CFAP65: variants seen among roughly 807,000 people sequenced by gnomAD.
CFAP65 encodes cilia- and flagella-associated protein 65.
CFAP65 carries 155 observed loss-of-function variants against 208.0 expected under a neutral mutation model. The observed-to-expected ratio is 0.75, with a 90% CI of 0.65 to 0.85. The LOEUF (loss-of-function observed/expected upper bound fraction) is 0.85, where lower values mean the gene tolerates loss of function less well. CFAP65 is among the 40% of genes least tolerant of loss of function. The pLI is 0.00. For missense variants in CFAP65, 2,294 were observed against 2,451.3 expected (o/e 0.94, Z 1.36); for synonymous variants, 970 against 986.3 (o/e 0.98, Z 0.31).
At position 219,038,588 on chromosome 2, in the gene CFAP65, G is replaced by T; in HGVS notation, c.154-10C>A. ...CACTCTGAGTATGGAGCTGGGAAGAGAGCAGAGGGGAGAGGAGACAGGAGT... is the reference window on the plus strand; with the variant it reads ...CACTCTGAGTATGGAGCTGGGAAGATAGCAGAGGGGAGAGGAGACAGGAGT... On this transcript the variant is annotated splice_polypyrimidine_tract_variant and intron_variant, in intron 3 of 34. Transcript: ENST00000341552. 6.2e-7 allele frequency: 1 copy of T among 1,608,374 alleles called. No individual in the cohort carries two copies. Among genetic ancestry groups the T allele is most frequent in the South Asian group, 1.1e-5 (1 of 90,628 alleles).
At chr2:219,005,941 G>A in intron 31 of CFAP65, 80 bp downstream of exon 31, 1 of 1,412,616 alleles carries the variant, frequency 7.1e-7, no homozygotes. Context: ...CCATGGGTTG[G>A]GTCTGGGCAG....
Position 219,031,401 on chromosome 2 carries a change from C to A in CFAP65, c.815+88G>T. The A allele has an allele frequency of 3.7e-6, 6 of 1,607,818 alleles. No homozygotes were observed. The highest frequency in any genetic ancestry group is 5.1e-6 in the Non-Finnish European group (6 of 1,175,818). ...TGGGCAGAACCTCAGACTACCCTAC[C>A]CCGACAAGGGTATGCCTGTCTCTCC... is the stretch of plus-strand genomic sequence containing the variant. On this transcript the variant is annotated intron_variant, in intron 7 of 34. Transcript: ENST00000341552. The surrounding 1 kb of genome is among the most constrained non-coding windows in gnomAD (Gnocchi z 5.2).
chr2:219,011,979 A>T (rs919886499), intron 24 of CFAP65, among the ~76,000 whole-genome samples: 2 of 152,260 alleles, frequency 1.3e-5, no homozygotes, highest in Non-Finnish European at 2.9e-5. Context: ...AAGTGGGATT[A>T]GTGCCCTTAT....
chr2:219,035,524 C>T lies in CFAP65; in HGVS notation c.498G>A (p.Leu166=). The change falls in exon 5 of 35, where the codon CTG becomes CTA. Residue 166 remains leucine (L), a synonymous_variant. Coordinates refer to ENST00000341552, the MANE Select transcript of CFAP65 (RefSeq NM_194302.4). ...GTTTCAAGGATCGATTTTTCAGAAC[C>T]AGATTCCTTGTGGTCTCCTTTCCTA... The part of the protein sequence containing the change: ...WELGKETTRN[L]VLKNRSLKLQ... 6.2e-7 allele frequency: 1 copy of T among 1,614,026 alleles called. No homozygotes were observed.
intron 24 of CFAP65, among the ~76,000 whole-genome samples, chr2:219,011,483 T>C (rs1187932579): frequency 6.6e-6 from 1 of 152,046 alleles, no homozygotes; most frequent in Non-Finnish European, 1.5e-5. Flanking sequence ...GTTCTCACTG[T>C]GTTGGCCAGG....
rs1389078681 is a variant in CFAP65, at chr2:219,029,405, G to C, written c.1648C>G (p.Gln550Glu). The C allele has an allele frequency of 3.7e-6, 6 of 1,611,974 alleles. No homozygotes were observed. Among genetic ancestry groups the C allele is most frequent in the Non-Finnish European group, 4.2e-6 (5 of 1,178,554 alleles). Residue 550 changes from glutamine (Q) to glutamate (E), a missense_variant and splice_region_variant, in exon 11 of 35, where the codon CAG (glutamine) becomes GAG (glutamate). Transcript: ENST00000341552. ...FRRVACLIHH[Q>E]DPLFLDLMGT... ...CTCATGCCCTCCCCACGACTCACCT[G>C]GTGGTGGATGAGACAGGCCACACGC... is the stretch of plus-strand genomic sequence containing the variant.
At chr2:219,005,366 G>A in intron 32 of CFAP65, 68 bp downstream of exon 32, 1 of 1,593,088 alleles carries the variant, frequency 6.3e-7, no homozygotes, top group Admixed American at 1.7e-5. Flanking sequence ...TGGAATGTAA[G>A]GGGCTCTGGC....
Position 219,002,967 on chromosome 2 carries a change from C to A in CFAP65, c.5748G>T (p.Pro1916=). Residue 1916 remains proline (P), a synonymous_variant, in exon 35 of 35, where the codon CCG becomes CCT. Transcript: ENST00000341552. The surrounding 1 kb of genome is among the most constrained non-coding windows in gnomAD (Gnocchi z 7.9). ...GAAGGTCGGTAGGAAGTGGCACCAC[C>A]GGGTGGAGTACCTCTGCTTGCTGCG... ...LPTQQAEVLH[P]VVPLPTDLP is the part of the protein sequence containing the mutation. The A allele has an allele frequency of 4.5e-6, 7 of 1,566,690 alleles. No individual in the cohort carries two copies. The highest frequency in any genetic ancestry group is 6.1e-6 in the Non-Finnish European group (7 of 1,155,526).
chr2:219,028,277 G>C lies in CFAP65; in HGVS notation c.1775C>G (p.Pro592Arg), dbSNP rs759554960. ...HLARGLTLYP[P>R]DILDAMLKEK... ...CTTCAGCATGGCATCCAGGATGTCA[G>C]GGGGGTAGAGCGTCAGGCCCCGGGC... is the stretch of plus-strand genomic sequence containing the variant. The change falls in exon 12 of 35, where the codon CCT (proline) becomes CGT (arginine). Residue 592 changes from proline (P) to arginine (R), a missense_variant. By Grantham distance (103) the Pro-to-Arg change is moderately radical. Transcript: ENST00000341552. The C allele has an allele frequency of 6.2e-7, 1 of 1,614,074 alleles. No homozygotes were observed. Among genetic ancestry groups the C allele is most frequent in the South Asian group, 1.1e-5 (1 of 91,084 alleles).
chr2:219,033,838 A>T (rs897733282), intron 5 of CFAP65: 23 of 152,208 alleles, frequency 1.5e-4, no homozygotes, highest in Non-Finnish European at 2.5e-4. Context: ...AAAAAATGTC[A>T]TTTTCCATTT....
intron 20 of CFAP65, 131 bp from the exon 21 acceptor site, chr2:219,019,310 T>C: frequency 7.9e-7 from 1 of 1,268,924 alleles, no homozygotes; most frequent in Non-Finnish European, 1.1e-6. Context: ...GGCGCAAGGG[T>C]GGGCTGGCTC....
intron 29 of CFAP65, 99 bp from the exon 30 acceptor site, chr2:219,006,608 C>A: frequency 1.7e-6 from 2 of 1,166,716 alleles, no homozygotes; most frequent in Non-Finnish European, 2.6e-6. Flanking sequence ...CCAAGGCGGG[C>A]GGATCACCTG....
chr2:219,014,275 G>T (rs760022329), intron 21 of CFAP65: 180 of 394,854 alleles, frequency 4.6e-4, no homozygotes, highest in Non-Finnish European at 9.5e-5. Context: ...GACTCAAGAA[G>T]TGAAGAGTGG....
Position 219,010,867 on chromosome 2 carries a change from G to C in CFAP65, c.4087C>G (p.Gln1363Glu). 4.3e-6 allele frequency: 7 copies of C among 1,613,646 alleles called. No individual in the cohort carries two copies. The highest frequency in any genetic ancestry group is 5.9e-6 in the Non-Finnish European group (7 of 1,179,910). Residue 1363 changes from glutamine (Q) to glutamate (E), a missense_variant, in exon 25 of 35, where the codon CAG becomes GAG. Coordinates refer to ENST00000341552, the MANE Select transcript of CFAP65 (RefSeq NM_194302.4). ...FCCLNPKGEI[Q>E]PGSTARVLWI... is the part of the protein sequence containing the mutation. ...AAGACCCGGGCAGTGCTGCCTGGCT[G>C]GATCTCCCCTTTGGGGTTGAGGCAG...
rs138272835 is a variant in CFAP65 at position 219,027,794 on chromosome 2, C to T, written c.2067G>A (p.Thr689=). The change falls in exon 13 of 35, where the codon ACG becomes ACA. Residue 689 remains threonine, a synonymous_variant. Coordinates refer to ENST00000341552, the MANE Select transcript of CFAP65 (RefSeq NM_194302.4). ...HTKGKIMVVW[T]RRSDCPFWVT... ...CCCAGAAGGGGCAGTCAGACCTTCG[C>T]GTCCAGACCACCATGATCTTGCCCT... The T allele has an allele frequency of 2.6e-4, 414 of 1,613,032 alleles. No homozygotes were observed. Among genetic ancestry groups the T allele is most frequent in the Non-Finnish European group, 3.0e-4 (357 of 1,179,266 alleles).
chr2:219,031,280 C>T lies in CFAP65; in HGVS notation c.841G>A (p.Glu281Lys), dbSNP rs752725010. 3 of 1,613,874 alleles carry T rather than the reference C, an allele frequency of 1.9e-6. No individual in the cohort carries two copies. In the East Asian group the frequency reaches 6.7e-5, roughly 36 times the overall value. ...VGDLPTFFTW[E>K]FSSPFQMLPA... is the part of the protein sequence containing the mutation. ...AGCATCTGGAATGGGCTGGAGAACT[C>T]CCAGGTGAAGAAGGTGGGCAGGTCC... The change falls in exon 8 of 35, where the codon GAG becomes AAG. Residue 281 changes from glutamate to lysine, a missense_variant. By Grantham distance (56) the Glu-to-Lys change is moderately conservative. This residue lies in a region of CFAP65 where 867 missense variants were observed against 1,012.6 expected (regional missense o/e 0.86). Coordinates refer to ENST00000341552, the MANE Select transcript of CFAP65 (RefSeq NM_194302.4). The surrounding 1 kb of genome is among the most constrained non-coding windows in gnomAD (Gnocchi z 5.2).
chr2:219,039,316 G>A (rs1007767043), intron 2 of CFAP65: 3 of 257,248 alleles, frequency 1.2e-5, no homozygotes, highest in Non-Finnish European at 2.2e-5. Flanking sequence ...CCCTCACCTC[G>A]AATCCCCTCT....
Position 219,004,238 on chromosome 2 carries a change from A to G in CFAP65, c.5269T>C (p.Leu1757=), listed in dbSNP as rs762718817. 8.7e-6 allele frequency: 14 copies of G among 1,611,728 alleles called. No homozygotes were observed. In the African/African-American group the frequency reaches 1.8e-4, roughly 20 times the overall value. The change falls in exon 33 of 35, where the codon TTG becomes CTG. Residue 1757 remains leucine (L), a synonymous_variant. Coordinates refer to ENST00000341552, the MANE Select transcript of CFAP65 (RefSeq NM_194302.4). This position sits in a 1 kb window ranked among gnomAD's most constrained non-coding sequence, Gnocchi z 4.7. ...TCCTCCCCCTCTTCCTTCTTTCCCA[A>G]CCCTGGATAGTGCTCTGGTCTGTCT... The part of the protein sequence containing the change: ...KEDRPEHYPG[L]GKKEEGEEEK...
Position 219,003,317 on chromosome 2 carries a change from C to T in CFAP65, c.5556-45G>A. On this transcript the variant is annotated intron_variant, in intron 33 of 34. Transcript: ENST00000341552. The surrounding 1 kb of genome is among the most constrained non-coding windows in gnomAD (Gnocchi z 4.4). ...AGCATGAGGGCGGCCGCAGTGCCCG[C>T]GCGCCTCCTCGCTCGCCTGTCCGTG... is the stretch of plus-strand genomic sequence containing the variant. The T allele has an allele frequency of 6.8e-7, 1 of 1,477,498 alleles. No individual in the cohort carries two copies. The highest frequency in any genetic ancestry group is 9.0e-7 in the Non-Finnish European group (1 of 1,113,268). 91.5% of individuals were successfully genotyped at this position (1,477,498 alleles called of 1,614,324 possible).
Sources: allele counts gnomAD v4.1 joint callset (sites outside exome capture counted in the v4.1 genomes callset), GRCh38; gene constraint gnomAD v4.1.1; regional missense constraint gnomAD v4.1.1; non-coding constraint Gnocchi (gnomAD v3.1); transcripts MANE v1.5; gene names NCBI Gene and HGNC (gene_info 2026-07-23, HGNC 2026-07-21).